Variants in USP24 observed in about 807,000 individuals in gnomAD.
The protein encoded by USP24 is ubiquitin specific peptidase 24.
A neutral mutation model predicts 361.6 loss-of-function variants in USP24; 97 were observed. That is an observed-to-expected ratio of 0.27 (90% CI 0.23 to 0.32). The LOEUF (loss-of-function observed/expected upper bound fraction) is 0.32. Ranked by LOEUF, USP24 falls within the 10% of genes least tolerant of loss-of-function variation. The probability of loss-of-function intolerance (pLI) is 1.00; values close to 1 mark genes in which losing one functional copy is unlikely to be tolerated. For missense variants in USP24, 2,353 were observed against 3,165.6 expected (o/e 0.74, Z 6.16); for synonymous variants, 1,098 against 1,124.6 (o/e 0.98, Z 0.47).
chr1:55,204,160 T>C (rs1000247025), intron 1 of USP24, among the ~76,000 whole-genome samples: 1 of 152,192 alleles, frequency 6.6e-6, no homozygotes, highest in Non-Finnish European at 1.5e-5. Context: ...GGTTTTTATT[T>C]ACAGAGTTAC....
intron 1 of USP24, among the ~76,000 whole-genome samples, chr1:55,210,083 CTACT>C (rs1644812666): frequency 6.6e-6 from 1 of 152,106 alleles, no homozygotes. Flanking sequence ...CTGTCACAAC[CTACT>C]ATGATTTCAC....
At position 55,132,585 on chromosome 1, in the gene USP24, G is replaced by A. The variant is rs1646623631; in HGVS notation, c.3497C>T (p.Ala1166Val). ...CACTCTGAAGGTAGACATTCCCGGG[G>A]CAAAAGATCGAAACAGACTTTCTAA... The part of the protein sequence containing the change: ...SILESLFRSF[A>V]PGMSTFRVLY... The change falls in exon 31 of 68, where the codon GCC becomes GTC. Residue 1166 changes from alanine (A) to valine (V), a missense_variant. Physicochemically the swap from Ala to Val is moderately conservative, Grantham distance 64. Transcript: ENST00000294383. The A allele has an allele frequency of 6.2e-7, 1 of 1,613,626 alleles. No individual in the cohort carries two copies. The highest frequency in any genetic ancestry group is 2.2e-5 in the East Asian group (1 of 44,862).
rs770175425 is a variant in USP24 at position 55,107,463 on chromosome 1, A to G, written c.4571-33T>C. 9 of 1,521,818 alleles carry G rather than the reference A, an allele frequency of 5.9e-6. No homozygotes were observed. The East Asian group carries it at 1.9e-4, about 32-fold the overall frequency. The allele number at this position is 1,521,818 out of a possible 1,614,324, so 94.3% of individuals were successfully genotyped here. On this transcript the variant is annotated intron_variant, in intron 39 of 67. Transcript: ENST00000294383. ...GGAAAAAAAAAATCCATTACAAAGA[A>G]AGAAGGATTTCCCTTTATGGAGTCA...
At chr1:55,132,183 A>G (rs1646612694) in intron 31 of USP24, among the ~76,000 whole-genome samples, 1 of 152,192 alleles carries the variant, frequency 6.6e-6, no homozygotes, top group African/African-American at 2.4e-5. Context: ...AAGTGAGGTC[A>G]CAGTGAGACG....
intron 36 of USP24, among the ~76,000 whole-genome samples, chr1:55,123,121 A>G (rs1194411195): frequency 1.3e-5 from 2 of 152,220 alleles, no homozygotes; most frequent in Non-Finnish European, 2.9e-5. Flanking sequence ...AGTCATTATC[A>G]GGAATTGATA....
chr1:55,097,953 C>T lies in USP24; in HGVS notation c.5585G>A (p.Cys1862Tyr). Residue 1862 changes from cysteine to tyrosine, a missense_variant, in exon 47 of 68, where the codon TGT becomes TAT. Transcript: ENST00000294383. Reference sequence around the variant, plus strand: ...GGGCAAACATAATACCTTTTCTTTACACTTTTCACAGTAGTACGCATTACT... The same window carrying T: ...GGGCAAACATAATACCTTTTCTTTATACTTTTCACAGTAGTACGCATTACT... ...EGSNAYYCEK[C>Y]KEKRITVKRT... 1 of 1,597,198 alleles carries T rather than the reference C, an allele frequency of 6.3e-7. No individual in the cohort carries two copies. The highest frequency in any genetic ancestry group is 8.5e-7 in the Non-Finnish European group (1 of 1,175,554).
At chr1:55,124,242 A>C (rs1044506156) in intron 35 of USP24, among the ~76,000 whole-genome samples, 4 of 152,188 alleles carry the variant, frequency 2.6e-5, no homozygotes, top group African/African-American at 9.6e-5. Context: ...TGGTTTCTTC[A>C]CTTACTCTAT....
At chr1:55,083,073 G>A (rs1440097926) in intron 58 of USP24, among the ~76,000 whole-genome samples, 199 bp downstream of exon 58, 1 of 152,096 alleles carries the variant, frequency 6.6e-6, no homozygotes, top group African/African-American at 2.4e-5. Context: ...TTTGTCACTA[G>A]TTAGTAATTT....
intron 1 of USP24, among the ~76,000 whole-genome samples, chr1:55,186,519 C>T (rs1644136434): frequency 6.6e-6 from 1 of 152,142 alleles, no homozygotes; most frequent in Non-Finnish European, 1.5e-5. Context: ...GTGGAAGCAA[C>T]CCAAGTGTCC....
chr1:55,107,171 T>A, intron 40 of USP24, 68 bp downstream of exon 40: 1 of 1,510,164 alleles, frequency 6.6e-7, no homozygotes, highest in Non-Finnish European at 8.9e-7. Context: ...TTTTCCCACT[T>A]ACACACAGTA....
intron 54 of USP24, among the ~76,000 whole-genome samples, chr1:55,090,921 C>T (rs953549051): frequency 3.9e-5 from 6 of 152,156 alleles, no homozygotes; most frequent in African/African-American, 1.4e-4. Context: ...CCCGTCTCTA[C>T]TAAAAATACA....
chr1:55,187,249 A>T (rs1644158766), intron 1 of USP24, among the ~76,000 whole-genome samples: 1 of 152,038 alleles, frequency 6.6e-6, no homozygotes, highest in South Asian at 2.1e-4. Flanking sequence ...ATGATTTTAA[A>T]ACAACGACAA....
chr1:55,074,009 A>G (rs1222813803), intron 63 of USP24, 103 bp from the exon 64 acceptor site: 1 of 901,756 alleles, frequency 1.1e-6, no homozygotes, highest in Non-Finnish European at 1.7e-6. Flanking sequence ...AACTATTTTA[A>G]TAAACAGATA....
chr1:55,096,718 G>T (rs1273661194), intron 49 of USP24, 96 bp from the exon 50 acceptor site: 18 of 1,480,868 alleles, frequency 1.2e-5, no homozygotes, highest in Non-Finnish European at 1.5e-5. Flanking sequence ...AAATAAAGCA[G>T]GTGTTTACCA....
intron 31 of USP24, among the ~76,000 whole-genome samples, chr1:55,130,904 G>T (rs1006670250): frequency 6.6e-6 from 1 of 152,088 alleles, no homozygotes; most frequent in Non-Finnish European, 1.5e-5. Context: ...CAACTATTTT[G>T]TGTACCTAAA....
chr1:55,090,182 TA>T (rs537191065), intron 54 of USP24, among the ~76,000 whole-genome samples: 17 of 149,558 alleles, frequency 1.1e-4, no homozygotes, highest in East Asian at 3.9e-4. Flanking sequence ...CCTTATGGAA[TA>T]AAAAAAAAAT....
intron 40 of USP24, 123 bp downstream of exon 40, chr1:55,107,116 T>C (rs1411205289): frequency 1.5e-5 from 17 of 1,161,736 alleles, no homozygotes; most frequent in East Asian, 5.1e-5. Context: ...AATTTCCTAC[T>C]GTGTGAAGGG....
intron 9 of USP24, 67 bp downstream of exon 9, chr1:55,159,544 T>TA: frequency 7.3e-7 from 1 of 1,377,928 alleles, no homozygotes; most frequent in African/African-American, 1.4e-5. Context: ...TGAACCCTGC[T>TA]AAGTCCTGGC....
intron 51 of USP24, 30 bp from the exon 52 acceptor site, chr1:55,094,117 A>C: frequency 6.3e-7 from 1 of 1,579,798 alleles, no homozygotes; most frequent in Non-Finnish European, 8.6e-7. Flanking sequence ...AACTCTGTCT[A>C]GTATAAAGTG....
Sources: gnomAD v4.1 joint callset for allele counts (sites outside exome capture counted in the v4.1 genomes callset) on GRCh38, gnomAD v4.1.1 for gene constraint, MANE v1.5 for transcripts, NCBI Gene and HGNC (gene_info 2026-07-23, HGNC 2026-07-21) for gene names.